Variants in OAS1 observed in about 807,000 individuals in gnomAD.
OAS1 encodes the protein 2'-5'-oligoadenylate synthase 1.
In OAS1, 24 loss-of-function variants were observed where a neutral mutation model predicts 38.5. The ratio of observed to expected loss-of-function variants is 0.62; its 90% CI spans 0.45 to 0.88. The LOEUF is 0.88. OAS1 is among the 40% of genes least tolerant of loss of function. The probability of loss-of-function intolerance (pLI) is 0.00; values close to 1 mark genes in which losing one functional copy is unlikely to be tolerated. For synonymous variants in OAS1, 169 were observed against 193.9 expected (o/e 0.87, Z 1.07); for missense variants, 482 against 493.9 (o/e 0.98, Z 0.23).
intron 4 of OAS1, 109 bp downstream of exon 4, chr12:112,916,847 C>A (rs992612761): frequency 2.5e-6 from 2 of 805,780 alleles, no homozygotes; most frequent in African/African-American, 1.7e-5. Context: ...TAGTGAGAAT[C>A]TCCTGTTGCC....
chr12:112,918,496 G>A (rs1190798111), intron 5 of OAS1: 3 of 357,270 alleles, frequency 8.4e-6, no homozygotes, highest in Non-Finnish European at 1.7e-5. Flanking sequence ...TTACCTTTGG[G>A]TAGATACCGA....
Position 112,919,610 on chromosome 12 carries a change from T to C in OAS1, c.*57T>C. On this transcript the variant is annotated 3_prime_UTR_variant, in exon 6 of 6. Transcript: ENST00000202917. ...GTGTTATCTGGACCAGTTCCTTCAT[T>C]TTCAGGTGGGACTCTTGATCCAGAG... 1 of 1,613,764 alleles carries C rather than the reference T, an allele frequency of 6.2e-7. No homozygotes were observed. Among genetic ancestry groups the C allele is most frequent in the Non-Finnish European group, 8.5e-7 (1 of 1,179,874 alleles).
intron 3 of OAS1, among the ~76,000 whole-genome samples, chr12:112,916,304 G>A (rs942263803): frequency 1.3e-5 from 2 of 152,152 alleles, no homozygotes; most frequent in Non-Finnish European, 2.9e-5. Context: ...AGACTTTGTG[G>A]ACTGCACAGC....
intron 4 of OAS1, 136 bp from the exon 5 acceptor site, chr12:112,917,411 A>G: frequency 8.8e-7 from 1 of 1,131,106 alleles, no homozygotes; most frequent in Non-Finnish European, 1.3e-6. Context: ...CACTGGGGAC[A>G]TACCCCAGGG....
At chr12:112,922,118 G>C (rs1455515720), downstream of OAS1, among the ~76,000 whole-genome samples, 2 of 152,108 alleles carry the variant, frequency 1.3e-5, no homozygotes, top group Non-Finnish European at 2.9e-5. Context: ...AACAGTCTTA[G>C]AAATGTTGAG....
In OAS1 at chr12:112,919,557, C is replaced by G. The variant is rs181993308; in HGVS notation, c.*4C>G. ...CTGGACCTGCACCATCCTCTGAATG[C>G]CAGTGCATCTTGGGGGAAAGGGCTC... On this transcript the variant is annotated 3_prime_UTR_variant, in exon 6 of 6. Transcript: ENST00000202917. 4.3e-6 allele frequency: 7 copies of G among 1,614,182 alleles called. No homozygotes were observed. The Admixed American group carries it at 6.7e-5, about 15-fold the overall frequency.
chr12:112,919,088 C>T (rs1055322713), intron 5 of OAS1: 68 of 347,996 alleles, frequency 2.0e-4, no homozygotes, highest in Non-Finnish European at 2.2e-4. Flanking sequence ...GCCTTTAGAG[C>T]TGCCCCATGG....
downstream of OAS1, among the ~76,000 whole-genome samples, chr12:112,921,572 A>G (rs1418780551): frequency 6.6e-6 from 1 of 152,178 alleles, no homozygotes; most frequent in Admixed American, 6.5e-5. Context: ...CTTACTCCAG[A>G]GTCCTGGAGG....
At chr12:112,922,859 A>G (rs779747037), downstream of OAS1, among the ~76,000 whole-genome samples, 2 of 152,158 alleles carry the variant, frequency 1.3e-5, no homozygotes, top group Non-Finnish European at 2.9e-5. Flanking sequence ...TTCACAAGTA[A>G]ATGGGACTTC....
chr12:112,907,684 A>G (rs2043315391), intron 1 of OAS1: 1 of 158,328 alleles, frequency 6.3e-6, no homozygotes, highest in South Asian at 1.8e-4. Flanking sequence ...CATAATCCCC[A>G]ATACTGTTGC....
At chr12:112,931,774 A>C (rs2043598426) in intron 6 of OAS1, 1 of 556,772 alleles carries the variant, frequency 1.8e-6, no homozygotes. Context: ...GGGTCTCCTG[A>C]CTGCCAGAGT....
chr12:112,908,898 T>C (rs757731960), intron 2 of OAS1, 74 bp downstream of exon 2: 17 of 1,495,616 alleles, frequency 1.1e-5, no homozygotes, highest in Non-Finnish European at 9.0e-7. Flanking sequence ...GAGAGCTTTT[T>C]GCCCCAACAG....
downstream of OAS1, among the ~76,000 whole-genome samples, chr12:112,921,651 C>T (rs1456998262): frequency 2.6e-5 from 4 of 152,180 alleles, no homozygotes; most frequent in African/African-American, 9.7e-5. Flanking sequence ...CCATGACTAA[C>T]ACTTTGAACA....
intron 3 of OAS1, 78 bp downstream of exon 3, chr12:112,911,313 G>A (rs2043380174): frequency 8.6e-7 from 1 of 1,158,052 alleles, no homozygotes; most frequent in East Asian, 2.6e-5. Flanking sequence ...AGAGAAAGAA[G>A]GGAGTGAAGG....
intron 6 of OAS1, among the ~76,000 whole-genome samples, chr12:112,928,086 C>A (rs1189878519): frequency 6.6e-6 from 1 of 152,174 alleles, no homozygotes; most frequent in African/African-American, 2.4e-5. Context: ...GTGCCAGGAT[C>A]TTTAGTGTTT....
In OAS1 at chr12:112,919,401, A is replaced by G; in HGVS notation, c.1051A>G (p.Ser351Gly). 6.2e-7 allele frequency: 1 copy of G among 1,613,156 alleles called. No individual in the cohort carries two copies. Among genetic ancestry groups the G allele is most frequent in the East Asian group, 2.2e-5 (1 of 44,858 alleles). The change falls in exon 6 of 6, where the codon AGT (serine) becomes GGT (glycine). Residue 351 changes from serine to glycine, a missense_variant. Transcript: ENST00000202917. ...SSWILLAESNSADDETDDPRR... is the reference protein window; with the variant it reads ...SSWILLAESNGADDETDDPRR... ...CTCACCCTTTCAGGCTGAAAGCAAC[A>G]GTGCAGACGATGAGACCGACGATCC...
downstream of OAS1, chr12:112,932,159 C>T (rs1286958750): frequency 1.3e-5 from 6 of 461,314 alleles, no homozygotes; most frequent in Admixed American, 4.0e-5. Flanking sequence ...TCCCTGTCTC[C>T]TTCTCTCTCT....
chr12:112,923,181 G>C (rs1259710559), downstream of OAS1, among the ~76,000 whole-genome samples: 1 of 152,178 alleles, frequency 6.6e-6, no homozygotes, highest in Non-Finnish European at 1.5e-5. Context: ...GAATAGTGCT[G>C]CAGTAAACAT....
At chr12:112,916,797 C>T (rs781537850) in intron 4 of OAS1, 59 bp downstream of exon 4, 1 of 1,284,436 alleles carries the variant, frequency 7.8e-7, no homozygotes, top group Admixed American at 1.7e-5. Flanking sequence ...GATACAGGTA[C>T]AGTGCCTTGG....
Sources: gnomAD v4.1 joint callset for allele counts (sites outside exome capture counted in the v4.1 genomes callset) on GRCh38, gnomAD v4.1.1 for gene constraint, MANE v1.5 for transcripts, NCBI Gene and HGNC (gene_info 2026-07-23, HGNC 2026-07-21) for gene names.